Variants in MAVS observed in about 807,000 individuals in gnomAD.
MAVS encodes the protein mitochondrial antiviral-signaling protein.
In MAVS, 20 loss-of-function variants were observed where a neutral mutation model predicts 30.2. The observed-to-expected ratio is 0.66, with a 90% CI of 0.47 to 0.96. The LOEUF (loss-of-function observed/expected upper bound fraction) is 0.96, where lower values mean the gene tolerates loss of function less well. MAVS is among the 40% of genes least tolerant of loss of function. The probability of loss-of-function intolerance (pLI) is 0.00; values close to 1 mark genes in which losing one functional copy is unlikely to be tolerated. For synonymous variants in MAVS, 278 were observed against 293.9 expected, an observed-to-expected ratio of 0.95 and a Z score of 0.55; for missense variants, 624 against 701.1, an observed-to-expected ratio of 0.89 and a Z score of 1.24.
In MAVS at chr20:3,867,205, GCTCTGTGAC is replaced by G. The variant is rs535051353; in HGVS notation, c.*1061_*1069del. 5.3e-6 allele frequency: 2 copies of G among 375,724 alleles called. No homozygotes were observed. Among genetic ancestry groups the G allele is most frequent in the South Asian group, 4.0e-5 (2 of 50,486 alleles). The allele number at this position is 375,724 out of a possible 1,614,324, so 23.3% of individuals were successfully genotyped here. On this transcript the variant is annotated 3_prime_UTR_variant, in exon 7 of 7. Coordinates refer to ENST00000428216, the MANE Select transcript of MAVS (RefSeq NM_020746.5). ...CTGCGTCCCAACCTGCCTCTCACCA[GCTCTGTGAC>G]CTTGGGCAAGGGATTTATCTGTCTG...
chr20:3,859,229 T>C (rs1022679451), intron 3 of MAVS, among the ~76,000 whole-genome samples: 98 of 149,608 alleles, frequency 6.6e-4, no homozygotes, highest in Admixed American at 2.2e-3. Flanking sequence ...GATCCCTGGC[T>C]GGGCACGGTG....
chr20:3,853,410 C>T (rs1408151233), intron 1 of MAVS, among the ~76,000 whole-genome samples: 3 of 150,466 alleles, frequency 2.0e-5, no homozygotes, highest in South Asian at 2.1e-4. Flanking sequence ...GGCGTGAACC[C>T]GAGAGGCGGA....
intron 3 of MAVS, among the ~76,000 whole-genome samples, chr20:3,859,137 TCC>T (rs2089839706): frequency 2.0e-5 from 3 of 147,504 alleles, no homozygotes; most frequent in African/African-American, 7.3e-5. Flanking sequence ...TTTTCCTCCC[TCC>T]CTCCCTCCCT....
At chr20:3,861,612 T>G in intron 4 of MAVS, 108 bp downstream of exon 4, 2 of 1,202,800 alleles carry the variant, frequency 1.7e-6, no homozygotes, top group Non-Finnish European at 2.3e-6. Flanking sequence ...AAATCACGCC[T>G]AATCTCTGCT....
intron 1 of MAVS, among the ~76,000 whole-genome samples, chr20:3,853,225 G>A (rs547579413): frequency 3.7e-4 from 55 of 149,052 alleles, no homozygotes; most frequent in East Asian, 1.0e-3. Flanking sequence ...GGTGGCTCAC[G>A]CCTGTAATCC....
chr20:3,857,514 A>G, intron 2 of MAVS, 121 bp from the exon 3 acceptor site: 1 of 1,181,550 alleles, frequency 8.5e-7, no homozygotes, highest in Non-Finnish European at 1.2e-6. Flanking sequence ...ATCCAGTTTC[A>G]CGTGGCTGCC....
chr20:3,854,946 A>AGT (rs1396449058), intron 2 of MAVS, among the ~76,000 whole-genome samples: 1 of 138,940 alleles, frequency 7.2e-6, no homozygotes, highest in Non-Finnish European at 1.5e-5. Context: ...GCTGGAGTGC[A>AGT]GTGGCACGAT....
Position 3,865,791 on chromosome 20 carries a change from G to C in MAVS, c.1267G>C (p.Val423Leu). 1 of 1,613,814 alleles carries C rather than the reference G, an allele frequency of 6.2e-7. No individual in the cohort carries two copies. The highest frequency in any genetic ancestry group is 8.5e-7 in the Non-Finnish European group (1 of 1,180,024). ...GLGSELSKPG[V>L]LASQVDSPFS... is the part of the protein sequence containing the mutation. ...TGGGTCGGAGCTGAGTAAGCCTGGC[G>C]TGCTGGCATCCCAGGTAGACAGCCC... The change falls in exon 7 of 7, where the codon GTG (valine) becomes CTG (leucine). Residue 423 changes from valine (V) to leucine (L), a missense_variant. Physicochemically the swap from Val to Leu is conservative, Grantham distance 32. Coordinates refer to ENST00000428216, the MANE Select transcript of MAVS (RefSeq NM_020746.5). This position sits in a 1 kb window ranked among gnomAD's most constrained non-coding sequence, Gnocchi z 4.7.
In MAVS at chr20:3,864,649, C is replaced by G; in HGVS notation, c.1019C>G (p.Ala340Gly). ...CCCCCTGGTGCAGTGCCTTCTAATGCGCTCACCAATCCAGCACCATCCAAA... is the reference window on the plus strand; with the variant it reads ...CCCCCTGGTGCAGTGCCTTCTAATGGGCTCACCAATCCAGCACCATCCAAA... ...SKPPGAVPSN[A>G]LTNPAPSKLP... The change falls in exon 6 of 7, where the codon GCG becomes GGG. Residue 340 changes from alanine (A) to glycine (G), a missense_variant. Physicochemically the swap from Ala to Gly is moderately conservative, Grantham distance 60 (BLOSUM62 0). Coordinates refer to ENST00000428216, the MANE Select transcript of MAVS (RefSeq NM_020746.5). 6.2e-7 allele frequency: 1 copy of G among 1,614,220 alleles called. No individual in the cohort carries two copies. The highest frequency in any genetic ancestry group is 8.5e-7 in the Non-Finnish European group (1 of 1,180,034).
chr20:3,866,960 C>G lies in MAVS; in HGVS notation c.*813C>G, dbSNP rs748086150. ...CTGTGTGGCTTTGGCAGATGTCAGA[C>G]TTCTGGTCTTGCTTCTCCACGTGGA... On this transcript the variant is annotated 3_prime_UTR_variant, in exon 7 of 7. Transcript: ENST00000428216. 7.2e-5 allele frequency: 33 copies of G among 456,760 alleles called. No individual in the cohort carries two copies. The highest frequency in any genetic ancestry group is 1.2e-4 in the Non-Finnish European group (28 of 226,998). The allele number at this position is 456,760 out of a possible 1,614,324, so 28.3% of individuals were successfully genotyped here.
In MAVS at chr20:3,866,508, TGTG is replaced by T; in HGVS notation, c.*365_*367del. The T allele has an allele frequency of 2.7e-6, 1 of 364,970 alleles. No individual in the cohort carries two copies. Among genetic ancestry groups the T allele is most frequent in the Non-Finnish European group, 5.1e-6 (1 of 195,444 alleles). 22.6% of individuals were successfully genotyped at this position (364,970 alleles called of 1,614,324 possible). A position where few individuals can be genotyped will look rare whatever the true frequency, so the allele number is the denominator to read the frequency against. ...TGGAGCAGGAGGGACCACTGGAACA[TGTG>T]GTGCTTGGGAATGCCTCTCCTGTTG... On this transcript the variant is annotated 3_prime_UTR_variant, in exon 7 of 7. Coordinates refer to ENST00000428216, the MANE Select transcript of MAVS (RefSeq NM_020746.5).
intron 2 of MAVS, among the ~76,000 whole-genome samples, chr20:3,855,964 G>A (rs1285120456): frequency 1.3e-5 from 2 of 151,702 alleles, no homozygotes; most frequent in Non-Finnish European, 2.9e-5. Context: ...TTGTAGTAGA[G>A]ATGGAGTTTC....
chr20:3,865,110 A>C lies in MAVS; in HGVS notation c.1158+322A>C, dbSNP rs1032525083. Among the ~76,000 whole-genome samples the C allele has an allele frequency of 6.6e-6, 1 of 152,196 alleles. No homozygotes were observed. Among genetic ancestry groups the C allele is most frequent in the African/African-American group, 2.4e-5 (1 of 41,446 alleles). ...GAAGCCGAGCGGTGCCGTTTTGCAC[A>C]TAAGGAAGCAGTGACGGGGACAGCA... On this transcript the variant is annotated intron_variant, in intron 6 of 6. Coordinates refer to ENST00000428216, the MANE Select transcript of MAVS (RefSeq NM_020746.5). The surrounding 1 kb of genome is among the most constrained non-coding windows in gnomAD (Gnocchi z 4.7).
chr20:3,851,990 C>CTTTTTTTTTTTTTTTTT (rs770960832), intron 1 of MAVS, among the ~76,000 whole-genome samples: 6 of 80,488 alleles, frequency 7.5e-5, no homozygotes, highest in African/African-American at 5.9e-4. Flanking sequence ...GTGTAGCAGG[C>CTTTTTTTTTTTTTTTTT]TTTTTTTTTT....
rs2089973449 is a variant in MAVS, at chr20:3,874,015, C to T, written c.*7868C>T. On this transcript the variant is annotated 3_prime_UTR_variant, in exon 7 of 7. Transcript: ENST00000428216. The stretch of plus-strand genomic sequence containing the variant: ...ACCTGAAACAACCCAAATGTCCATC[C>T]ACCAACCCAAATGTCCATCCACAGT... The T allele has an allele frequency of 7.5e-6, 3 of 397,584 alleles. No individual in the cohort carries two copies. The highest frequency in any genetic ancestry group is 1.3e-5 in the Non-Finnish European group (3 of 225,922). 24.6% of individuals were successfully genotyped at this position (397,584 alleles called of 1,614,324 possible).
rs1338844521 is a variant in MAVS, at chr20:3,862,130, T to C, written c.466-124T>C. 1.1e-5 allele frequency: 12 copies of C among 1,106,320 alleles called. No individual in the cohort carries two copies. In the East Asian group the frequency reaches 2.9e-4, roughly 27 times the overall value. The allele number at this position is 1,106,320 out of a possible 1,614,324, so 68.5% of individuals were successfully genotyped here. A position where few individuals can be genotyped will look rare whatever the true frequency, so the allele number is the denominator to read the frequency against. On this transcript the variant is annotated intron_variant, in intron 4 of 6. Coordinates refer to ENST00000428216, the MANE Select transcript of MAVS (RefSeq NM_020746.5). ...GAATTACCAGAACCCAGGCAAGGGC[T>C]CCCCTGGCTCCTGTGCTCCATGGTG...
chr20:3,873,989 A>G lies in MAVS; in HGVS notation c.*7842A>G. The G allele has an allele frequency of 2.5e-6, 1 of 397,420 alleles. No homozygotes were observed. Among genetic ancestry groups the G allele is most frequent in the Non-Finnish European group, 4.4e-6 (1 of 225,852 alleles). 24.6% of individuals were successfully genotyped at this position (397,420 alleles called of 1,614,324 possible). On this transcript the variant is annotated 3_prime_UTR_variant, in exon 7 of 7. Transcript: ENST00000428216. ...TAACCACACGCTGACTGTAGCCCCA[A>G]ACCTGAAACAACCCAAATGTCCATC...
At chr20:3,855,132 G>A (rs1024794525) in intron 2 of MAVS, among the ~76,000 whole-genome samples, 9 of 151,840 alleles carry the variant, frequency 5.9e-5, no homozygotes, top group Admixed American at 3.3e-4. Flanking sequence ...CTTGTGATCC[G>A]CCTGCCTCGG....
rs947589039 is a variant in MAVS at position 3,866,807 on chromosome 20, T to G, written c.*660T>G. 4.6e-6 allele frequency: 2 copies of G among 438,464 alleles called. No homozygotes were observed. Among genetic ancestry groups the G allele is most frequent in the African/African-American group, 4.0e-5 (2 of 49,690 alleles). The allele number at this position is 438,464 out of a possible 1,614,324, so 27.2% of individuals were successfully genotyped here. On this transcript the variant is annotated 3_prime_UTR_variant, in exon 7 of 7. Transcript: ENST00000428216. ...GCCTGAGGAAGACCTGTGGAGCTCC[T>G]CTCCAGCCTCCTCTTTCCCTCCCCT...
Sources: gnomAD v4.1 joint callset for allele counts (sites outside exome capture counted in the v4.1 genomes callset) on GRCh38, gnomAD v4.1.1 for gene constraint, Gnocchi (gnomAD v3.1) non-coding constraint, MANE v1.5 for transcripts, NCBI Gene and HGNC (gene_info 2026-07-23, HGNC 2026-07-21) for gene names.